The following COL4A6 variants were observed in gnomAD, a reference collection of about 807,000 sequenced individuals.
The protein encoded by COL4A6 is collagen type IV alpha 6 chain, also known as collagen alpha-6(IV) chain.
COL4A6 carries 59 observed loss-of-function variants against 126.7 expected under a neutral mutation model. The observed-to-expected ratio is 0.47, with a 90% CI of 0.38 to 0.58. The LOEUF is 0.58. Ranked by LOEUF, COL4A6 falls within the 20% of genes least tolerant of loss-of-function variation. COL4A6 has a pLI of 0.00. For synonymous variants in COL4A6, 547 were observed against 496.6 expected, an observed-to-expected ratio of 1.10 and a Z score of -1.35; for missense variants, 1,285 against 1,337.3, an observed-to-expected ratio of 0.96 and a Z score of 0.61.
intron 5 of COL4A6, among the ~76,000 whole-genome samples, chrX:108,217,583 A>G (rs760064528): frequency 5.4e-5 from 6 of 111,472 alleles, no homozygotes; most frequent in South Asian, 7.7e-4. Flanking sequence ...ACAAAAAACT[A>G]TCTATCACTA....
chrX:108,181,428 A>C (rs990790806), intron 23 of COL4A6, among the ~76,000 whole-genome samples: 2 of 111,748 alleles, frequency 1.8e-5, no homozygotes, highest in Non-Finnish European at 3.8e-5. Context: ...TCAAGTTCTC[A>C]TGTTTACCCT....
chrX:108,421,993 T>A lies in COL4A6; in HGVS notation c.63+15949A>T, dbSNP rs1370314359. Among the ~76,000 whole-genome samples, 4 of 112,456 alleles carry A rather than the reference T, an allele frequency of 3.6e-5. No homozygotes were observed. The East Asian group carries it at 1.1e-3, about 31-fold the overall frequency. ...TTTTTAAAATAGAAAAATGGCTACATAGCATAACATCTTTGTTTGAAGAAT... is the reference window on the plus strand; with the variant it reads ...TTTTTAAAATAGAAAAATGGCTACAAAGCATAACATCTTTGTTTGAAGAAT... On this transcript the variant is annotated intron_variant, in intron 2 of 44. Transcript: ENST00000334504.
intron 2 of COL4A6, among the ~76,000 whole-genome samples, chrX:108,390,807 G>A (rs2040819079): frequency 9.0e-6 from 1 of 110,913 alleles, no homozygotes; most frequent in Admixed American, 9.6e-5. Flanking sequence ...GAAGAGAAGA[G>A]GCACTCTGGT....
intron 39 of COL4A6, 76 bp from the exon 40 acceptor site, chrX:108,164,774 G>C: frequency 8.5e-6 from 10 of 1,178,454 alleles, no homozygotes; most frequent in Non-Finnish European, 1.2e-5. Flanking sequence ...GCAGGGGTGA[G>C]GTAGGGAAGA....
intron 2 of COL4A6, among the ~76,000 whole-genome samples, chrX:108,336,365 G>A (rs748369638): frequency 5.4e-5 from 6 of 111,783 alleles, no homozygotes; most frequent in African/African-American, 9.7e-5. Flanking sequence ...GATGAATGTC[G>A]AAAAGGTTAT....
At chrX:108,310,313 C>G (rs925766515) in intron 3 of COL4A6, among the ~76,000 whole-genome samples, 4 of 111,885 alleles carry the variant, frequency 3.6e-5, no homozygotes, top group African/African-American at 1.3e-4. Context: ...CTACCTTGTT[C>G]TCTTGAGTCT....
intron 3 of COL4A6, among the ~76,000 whole-genome samples, chrX:108,304,412 T>C: frequency 9.0e-6 from 1 of 111,368 alleles, no homozygotes; most frequent in Non-Finnish European, 1.9e-5. Context: ...ACCCCTGATT[T>C]TCTACCCCGT....
At chrX:108,257,332 G>A (rs1248964690) in intron 3 of COL4A6, among the ~76,000 whole-genome samples, 1 of 111,898 alleles carries the variant, frequency 8.9e-6, no homozygotes. Context: ...TTAGGGTTTT[G>A]TAGCAGTCAT....
chrX:108,336,606 T>A (rs1290420204), intron 2 of COL4A6, among the ~76,000 whole-genome samples: 2 of 111,287 alleles, frequency 1.8e-5, no homozygotes, highest in East Asian at 5.6e-4. Flanking sequence ...CCATGAATTG[T>A]ACTGTTTAAA....
At chrX:108,252,737 T>C (rs2036882611) in intron 3 of COL4A6, among the ~76,000 whole-genome samples, 1 of 111,602 alleles carries the variant, frequency 9.0e-6, no homozygotes, top group Non-Finnish European at 1.9e-5. Flanking sequence ...CTGATGTACA[T>C]AGATGCAAAA....
At chrX:108,388,995 G>A (rs781179011) in intron 2 of COL4A6, among the ~76,000 whole-genome samples, 2 of 111,852 alleles carry the variant, frequency 1.8e-5, no homozygotes, top group Admixed American at 9.5e-5. Flanking sequence ...TCAGGAGCAG[G>A]TTGTTCAGTT....
At chrX:108,259,268 C>T (rs189679933) in intron 3 of COL4A6, among the ~76,000 whole-genome samples, 86 of 111,453 alleles carry the variant, frequency 7.7e-4, no homozygotes, top group African/African-American at 2.7e-3. Flanking sequence ...GCACTGGACA[C>T]AGATGCCTGG....
At chrX:108,368,778 C>T (rs779305660) in intron 2 of COL4A6, among the ~76,000 whole-genome samples, 1 of 111,386 alleles carries the variant, frequency 9.0e-6, no homozygotes, top group South Asian at 3.8e-4. Flanking sequence ...GTTAAAAACA[C>T]AGGCACAAAC....
intron 2 of COL4A6, among the ~76,000 whole-genome samples, chrX:108,314,833 G>A (rs778546850): frequency 8.9e-6 from 1 of 111,908 alleles, no homozygotes; most frequent in East Asian, 2.8e-4. Context: ...TTGATTGGAG[G>A]ACTCAATAAG....
At chrX:108,316,587 T>C (rs761144273) in intron 2 of COL4A6, among the ~76,000 whole-genome samples, 186 of 111,445 alleles carry the variant, frequency 1.7e-3, no homozygotes, top group African/African-American at 6.0e-3. Context: ...GGGAAATTGT[T>C]AGAGTTGTAA....
chrX:108,206,754 TCAAA>T (rs2035555921), intron 8 of COL4A6, 174 bp from the exon 9 acceptor site: 1 of 539,649 alleles, frequency 1.9e-6, no homozygotes, highest in Admixed American at 2.3e-5. Context: ...TCTGATAGAT[TCAAA>T]CAGTGGAATA....
chrX:108,357,115 T>C (rs1328648450), intron 2 of COL4A6, among the ~76,000 whole-genome samples: 6 of 111,821 alleles, frequency 5.4e-5, no homozygotes, highest in Non-Finnish European at 7.5e-5. Context: ...TCAACATACA[T>C]ACATATATAC....
At chrX:108,252,878 C>T (rs953917990) in intron 3 of COL4A6, among the ~76,000 whole-genome samples, 6 of 111,621 alleles carry the variant, frequency 5.4e-5, no homozygotes, top group African/African-American at 2.0e-4. Flanking sequence ...TGATAAACCA[C>T]ATTAATAGAA....
chrX:108,336,590 T>C (rs1425578653), intron 2 of COL4A6, among the ~76,000 whole-genome samples: 2 of 111,100 alleles, frequency 1.8e-5, no homozygotes, highest in Non-Finnish European at 3.8e-5. Flanking sequence ...GTGAGTGTAC[T>C]TAATGCCATG....
Sources: allele counts gnomAD v4.1 joint callset (sites outside exome capture counted in the v4.1 genomes callset), GRCh38; gene constraint gnomAD v4.1.1; transcripts MANE v1.5; gene names NCBI Gene and HGNC (gene_info 2026-07-23, HGNC 2026-07-21).